The following UBE4B variants were observed in gnomAD, a reference collection of about 807,000 sequenced individuals.
The protein encoded by UBE4B is ubiquitin conjugation factor E4 B.
In UBE4B, 27 loss-of-function variants were observed where a neutral mutation model predicts 148.1. The observed-to-expected ratio is 0.18, with a 90% CI of 0.13 to 0.25. The LOEUF is 0.25. UBE4B is among the 10% of genes least tolerant of loss of function. The pLI is 1.00. For missense variants in UBE4B, 1,170 were observed against 1,662.4 expected, an observed-to-expected ratio of 0.70 and a Z score of 5.15; for synonymous variants, 596 against 619.3, an observed-to-expected ratio of 0.96 and a Z score of 0.56.
chr1:10,180,168 G>A lies in UBE4B; in HGVS notation c.*212G>A, dbSNP rs921570171. On this transcript the variant is annotated 3_prime_UTR_variant, in exon 28 of 28. Transcript: ENST00000343090. ...GTACATATATTTAAGTGACAAACAC[G>A]GTCAAAAGCTTAAGGGACAGGTTTT... The A allele has an allele frequency of 8.5e-5, 50 of 591,130 alleles. 1 individual carries two copies. The highest frequency in any genetic ancestry group is 6.7e-4 in the African/African-American group (36 of 53,622). The allele number at this position is 591,130 out of a possible 1,614,324, so 36.6% of individuals were successfully genotyped here.
intron 15 of UBE4B, among the ~76,000 whole-genome samples, chr1:10,133,782 G>C (rs1322580622): frequency 2.0e-5 from 3 of 152,092 alleles, no homozygotes. Context: ...ATGGTGGCTG[G>C]TGCATGCCTA....
Position 10,106,614 on chromosome 1 carries a change from G to C in UBE4B, c.1196+31G>C. ...TATCCCACAGGAGAGTTGCATGTGT[G>C]TTTGCGGTGCAGGGAAAGGAGATTA... On this transcript the variant is annotated intron_variant, in intron 7 of 27. Transcript: ENST00000343090. The surrounding 1 kb of genome is among the most constrained non-coding windows in gnomAD (Gnocchi z 4.2). 2 of 1,502,384 alleles carry C rather than the reference G, an allele frequency of 1.3e-6. No homozygotes were observed. Among genetic ancestry groups the C allele is most frequent in the Non-Finnish European group, 1.8e-6 (2 of 1,133,978 alleles). 93.1% of individuals were successfully genotyped at this position (1,502,384 alleles called of 1,614,324 possible).
chr1:10,169,438 A>C lies in UBE4B; in HGVS notation c.3333+1168A>C, dbSNP rs543243703. 1.1e-4 allele frequency among the ~76,000 whole-genome samples: 17 copies of C among 152,248 alleles called. 1 individual carries two copies. The South Asian group carries it at 3.1e-3, about 28-fold the overall frequency. The stretch of plus-strand genomic sequence containing the variant: ...GGGGACAACTCTTTTCCACTCTTTT[A>C]ACTTTCCACCTCATGTCTCTTCATA... On this transcript the variant is annotated intron_variant, in intron 24 of 27. Coordinates refer to ENST00000343090, the MANE Select transcript of UBE4B (RefSeq NM_001105562.3).
intron 14 of UBE4B, among the ~76,000 whole-genome samples, chr1:10,131,652 G>A (rs1385700898): frequency 2.0e-5 from 3 of 151,976 alleles, no homozygotes; most frequent in Admixed American, 1.3e-4. Flanking sequence ...GGCTGATCAC[G>A]AGGTCAGGAA....
chr1:10,111,301 A>T (rs1333727259), intron 7 of UBE4B, among the ~76,000 whole-genome samples: 1 of 151,658 alleles, frequency 6.6e-6, no homozygotes, highest in East Asian at 1.9e-4. Context: ...ATCTCCCTCT[A>T]CTTGTCTACT....
intron 23 of UBE4B, among the ~76,000 whole-genome samples, chr1:10,166,826 G>A (rs1275986035): frequency 6.6e-6 from 1 of 152,112 alleles, no homozygotes; most frequent in Non-Finnish European, 1.5e-5. Context: ...TCAGGAGGCT[G>A]AGGCAGGAGA....
chr1:10,148,107 G>A (rs1437724955), intron 19 of UBE4B, among the ~76,000 whole-genome samples: 1 of 151,460 alleles, frequency 6.6e-6, no homozygotes, highest in African/African-American at 2.4e-5. Context: ...GGTGCCTGTA[G>A]TCCCAGCTAC....
At chr1:10,135,610 C>T (rs781176680) in intron 16 of UBE4B, among the ~76,000 whole-genome samples, 7 of 151,856 alleles carry the variant, frequency 4.6e-5, no homozygotes, top group African/African-American at 1.2e-4. Context: ...GTGGCACGCA[C>T]CTGTAATCCC....
chr1:10,104,359 G>A (rs1645072392), intron 5 of UBE4B, among the ~76,000 whole-genome samples: 1 of 152,144 alleles, frequency 6.6e-6, no homozygotes, highest in Non-Finnish European at 1.5e-5. Flanking sequence ...AAGAGGTATG[G>A]GAGGTGTGCT....
intron 15 of UBE4B, among the ~76,000 whole-genome samples, chr1:10,133,095 A>G (rs1255925016): frequency 6.6e-6 from 1 of 151,102 alleles, no homozygotes; most frequent in Admixed American, 6.6e-5. Context: ...GCAGCCAGGA[A>G]CAGACCCAAG....
In UBE4B at chr1:10,147,066, G is replaced by T. The variant is rs148514322; in HGVS notation, c.2567G>T (p.Arg856Leu). The change falls in exon 19 of 28, where the codon CGC becomes CTC. Residue 856 changes from arginine to leucine, a missense_variant. By Grantham distance (102) the Arg-to-Leu change is moderately radical. Coordinates refer to ENST00000343090, the MANE Select transcript of UBE4B (RefSeq NM_001105562.3). ...GGCCTTCTCATTCAGCTGCTGCTCC[G>T]CATCCTGGACCCCGCATATCCCGAG... ...FYGLLIQLLL[R>L]ILDPAYPDIT... is the part of the protein sequence containing the mutation. 13 of 1,613,938 alleles carry T rather than the reference G, an allele frequency of 8.1e-6. No homozygotes were observed. Among genetic ancestry groups the T allele is most frequent in the Non-Finnish European group, 1.1e-5 (13 of 1,180,012 alleles).
intron 1 of UBE4B, among the ~76,000 whole-genome samples, chr1:10,054,199 A>G (rs1481240125): frequency 6.6e-6 from 1 of 152,176 alleles, no homozygotes; most frequent in Non-Finnish European, 1.5e-5. Flanking sequence ...ACCAATACAA[A>G]TATTTTGTAA....
intron 7 of UBE4B, among the ~76,000 whole-genome samples, chr1:10,115,924 A>G (rs75225462): frequency 0.018 from 2,684 of 152,366 alleles, 36 homozygotes; most frequent in Non-Finnish European, 0.027. Context: ...AAAATATGGC[A>G]TTATAACCTT....
rs1286099207 is a variant in UBE4B, at chr1:10,134,871, G to A, written c.2026-117G>A. ...GGAGGATTGCTTGAGCCTGGGAGGT[G>A]GAGGTTGCAGCCAAGATCACACCCC... is the stretch of plus-strand genomic sequence containing the variant. On this transcript the variant is annotated intron_variant, in intron 15 of 27. Coordinates refer to ENST00000343090, the MANE Select transcript of UBE4B (RefSeq NM_001105562.3). 8.9e-6 allele frequency: 7 copies of A among 790,100 alleles called. No homozygotes were observed. In the Admixed American group the frequency reaches 1.7e-4, roughly 20 times the overall value. The allele number at this position is 790,100 out of a possible 1,614,324, so 48.9% of individuals were successfully genotyped here.
Position 10,095,604 on chromosome 1 carries a change from G to T in UBE4B, c.347+8G>T. 1 of 1,613,944 alleles carries T rather than the reference G, an allele frequency of 6.2e-7. No homozygotes were observed. Among genetic ancestry groups the T allele is most frequent in the South Asian group, 1.1e-5 (1 of 91,052 alleles). ...TGTCTCATGTGAGAAAAGGTAAAAT[G>T]AAGCCAGTTTTCTAATATGCTCTTT... On this transcript the variant is annotated splice_region_variant and intron_variant, in intron 3 of 27. Transcript: ENST00000343090.
At chr1:10,129,529 G>A in intron 12 of UBE4B, 81 bp downstream of exon 12, 1 of 1,400,688 alleles carries the variant, frequency 7.1e-7, no homozygotes, top group Non-Finnish European at 1.0e-6. Flanking sequence ...GAGATGGCCT[G>A]GAAAATGTCT....
intron 15 of UBE4B, among the ~76,000 whole-genome samples, chr1:10,134,672 T>C (rs559160963): frequency 1.2e-4 from 18 of 152,296 alleles, no homozygotes; most frequent in Non-Finnish European, 2.6e-4. Context: ...TAGGATACAG[T>C]TATGTTTGAA....
chr1:10,128,024 A>G (rs1278101941), intron 11 of UBE4B, among the ~76,000 whole-genome samples: 2 of 152,220 alleles, frequency 1.3e-5, no homozygotes, highest in Non-Finnish European at 2.9e-5. Context: ...TCCATTGTAC[A>G]TGTTATTGGG....
At chr1:10,136,821 G>C (rs1645693457) in intron 16 of UBE4B, among the ~76,000 whole-genome samples, 1 of 152,136 alleles carries the variant, frequency 6.6e-6, no homozygotes, top group Non-Finnish European at 1.5e-5. Flanking sequence ...TAGGGAGGCT[G>C]AGGCAGGAGA....
Sources: allele counts gnomAD v4.1 joint callset (sites outside exome capture counted in the v4.1 genomes callset), GRCh38; gene constraint gnomAD v4.1.1; non-coding constraint Gnocchi (gnomAD v3.1); transcripts MANE v1.5; gene names NCBI Gene and HGNC (gene_info 2026-07-23, HGNC 2026-07-21).